The following PYGB variants were observed in gnomAD, a reference collection of about 807,000 sequenced individuals.
PYGB encodes glycogen phosphorylase, brain form.
In PYGB, 82 loss-of-function variants were observed where a neutral mutation model predicts 94.3. The ratio of observed to expected loss-of-function variants is 0.87; its 90% CI spans 0.73 to 1.04. PYGB has a LOEUF of 1.04. Among genes scored for constraint, PYGB ranks in the 50% least tolerant of loss-of-function variants. PYGB has a pLI of 0.00. For synonymous variants in PYGB, 488 were observed against 479.1 expected (o/e 1.02, Z -0.24); for missense variants, 1,132 against 1,158.2 (o/e 0.98, Z 0.33).
rs528929623 is a variant in PYGB at position 25,294,682 on chromosome 20, C to T, written c.2312+390C>T. 268 of 584,122 alleles carry T rather than the reference C, an allele frequency of 4.6e-4. 1 individual carries two copies. Among genetic ancestry groups the T allele is most frequent in the Non-Finnish European group, 7.1e-4 (229 of 324,182 alleles). The allele number at this position is 584,122 out of a possible 1,614,324, so 36.2% of individuals were successfully genotyped here. A position where few individuals can be genotyped will look rare whatever the true frequency, so the allele number is the denominator to read the frequency against. ...AGGGGGCGCACAAGGGCTGCGGAAC[C>T]GCGGCAGGCGTCAGTGCCAGTGACA... is the stretch of plus-strand genomic sequence containing the variant. On this transcript the variant is annotated intron_variant, in intron 18 of 19. Transcript: ENST00000216962.
chr20:25,291,428 C>T (rs534734352), intron 16 of PYGB, among the ~76,000 whole-genome samples: 91 of 152,298 alleles, frequency 6.0e-4, no homozygotes, highest in Middle Eastern at 3.4e-3. Flanking sequence ...CAGGCTGCCG[C>T]AGGTGAGAGG....
At chr20:25,262,574 G>A (rs962869349) in intron 2 of PYGB, among the ~76,000 whole-genome samples, 12 of 152,064 alleles carry the variant, frequency 7.9e-5, no homozygotes, top group East Asian at 5.8e-4. Context: ...ATCAGCTACC[G>A]GGCAGAATAA....
intron 13 of PYGB, among the ~76,000 whole-genome samples, chr20:25,283,515 T>G (rs2088388292): frequency 6.6e-6 from 1 of 152,140 alleles, no homozygotes; most frequent in South Asian, 2.1e-4. Context: ...GATAGGTGAG[T>G]GCAGACCCCA....
chr20:25,286,813 C>T (rs564571009), intron 14 of PYGB, among the ~76,000 whole-genome samples: 25 of 152,356 alleles, frequency 1.6e-4, no homozygotes, highest in African/African-American at 5.8e-4. Flanking sequence ...GAGTGCCCCT[C>T]CCCAGAGGTT....
chr20:25,276,551 C>A, intron 5 of PYGB, 95 bp from the exon 6 acceptor site: 1 of 988,266 alleles, frequency 1.0e-6, no homozygotes, highest in Non-Finnish European at 1.6e-6. Context: ...GCCAGCAGGG[C>A]GCCAGGTGCC....
At chr20:25,293,228 C>A (rs886682547) in intron 17 of PYGB, among the ~76,000 whole-genome samples, 4 of 151,996 alleles carry the variant, frequency 2.6e-5, no homozygotes, top group Non-Finnish European at 5.9e-5. Context: ...ACCTTATCCC[C>A]GCGCCCCTCC....
intron 4 of PYGB, among the ~76,000 whole-genome samples, chr20:25,272,324 G>A (rs773836820): frequency 1.3e-5 from 2 of 152,216 alleles, no homozygotes; most frequent in African/African-American, 2.4e-5. Context: ...GGTGGGAGTG[G>A]CAAGGGGGGT....
intron 15 of PYGB, chr20:25,289,941 G>A (rs1418757463): frequency 1.9e-6 from 1 of 533,500 alleles, no homozygotes. Context: ...GTACTTCATG[G>A]GTCCCCTGCC....
At chr20:25,279,483 C>T (rs1338036858) in intron 9 of PYGB, among the ~76,000 whole-genome samples, 3 of 152,124 alleles carry the variant, frequency 2.0e-5, no homozygotes, top group Admixed American at 1.3e-4. Context: ...ATGCACCTGC[C>T]CTCGCGATTC....
At position 25,290,556 on chromosome 20, in the gene PYGB, C is replaced by T. The variant is rs779347887; in HGVS notation, c.1903C>T (p.Pro635Ser). The T allele has an allele frequency of 1.2e-6, 2 of 1,611,590 alleles. No homozygotes were observed. Among genetic ancestry groups the T allele is most frequent in the Non-Finnish European group, 1.7e-6 (2 of 1,177,878 alleles). The change falls in exon 16 of 20, where the codon CCA becomes TCA. Residue 635 changes from proline (P) to serine (S), a missense_variant. By Grantham distance (74) the Pro-to-Ser change is moderately conservative. Coordinates refer to ENST00000216962, the MANE Select transcript of PYGB (RefSeq NM_002862.4). ...TSIGDVVNHD[P>S]VVGDRLKVIF... Reference sequence around the variant, plus strand: ...CATCGGCGACGTCGTCAATCATGACCCAGTTGTGGGTGACAGGTTGAAAGT... The same window carrying T: ...CATCGGCGACGTCGTCAATCATGACTCAGTTGTGGGTGACAGGTTGAAAGT...
chr20:25,248,291 T>A lies in PYGB; in HGVS notation c.113T>A (p.Phe38Tyr). 6.2e-7 allele frequency: 1 copy of A among 1,604,966 alleles called. No individual in the cohort carries two copies. Among genetic ancestry groups the A allele is most frequent in the Non-Finnish European group, 8.5e-7 (1 of 1,176,276 alleles). The part of the protein sequence containing the change: ...VRKSFNRHLH[F>Y]TLVKDRNVAT... ...AAGAGCTTCAACCGGCACTTGCACTTCACGCTGGTCAAGGACCGCAATGTG... is the reference window on the plus strand; with the variant it reads ...AAGAGCTTCAACCGGCACTTGCACTACACGCTGGTCAAGGACCGCAATGTG... Residue 38 changes from phenylalanine (F) to tyrosine (Y), a missense_variant, in exon 1 of 20, where the codon TTC becomes TAC. By Grantham distance (22) the Phe-to-Tyr change is conservative. Coordinates refer to ENST00000216962, the MANE Select transcript of PYGB (RefSeq NM_002862.4).
At position 25,279,126 on chromosome 20, in the gene PYGB, G is replaced by C; in HGVS notation, c.1069G>C (p.Val357Leu). 6.2e-7 allele frequency: 1 copy of C among 1,613,952 alleles called. No homozygotes were observed. The highest frequency in any genetic ancestry group is 8.5e-7 in the Non-Finnish European group (1 of 1,179,882). Residue 357 changes from valine (V) to leucine (L), a missense_variant, in exon 9 of 20, where the codon GTG becomes CTG. Physicochemically the swap from Val to Leu is conservative, Grantham distance 32 (BLOSUM62 1). Transcript: ENST00000216962. ...IPELMRILVDVEKVDWDKAWE... is the reference protein window; with the variant it reads ...IPELMRILVDLEKVDWDKAWE... Reference sequence around the variant, plus strand: ...TGAGCTCATGCGGATCCTGGTGGACGTGGAGAAGGTGGACTGGGACAAGGT... The same window carrying C: ...TGAGCTCATGCGGATCCTGGTGGACCTGGAGAAGGTGGACTGGGACAAGGT...
chr20:25,253,516 G>A (rs2092894203), intron 1 of PYGB, among the ~76,000 whole-genome samples: 1 of 152,066 alleles, frequency 6.6e-6, no homozygotes, highest in African/African-American at 2.4e-5. Flanking sequence ...GCCGGGCGTG[G>A]TGGTGGACAT....
intron 17 of PYGB, 33 bp from the exon 18 acceptor site, chr20:25,294,125 C>T (rs772544530): frequency 1.2e-6 from 2 of 1,609,218 alleles, no homozygotes; most frequent in South Asian, 2.2e-5. Flanking sequence ...ACCTGGGGCG[C>T]TGGCTGCTGA....
chr20:25,271,148 G>T (rs1047539416), intron 3 of PYGB, among the ~76,000 whole-genome samples: 1 of 152,076 alleles, frequency 6.6e-6, no homozygotes, highest in African/African-American at 2.4e-5. Context: ...AGTTCTCTAG[G>T]ATTCTTCATC....
rs138950427 is a variant in PYGB at position 25,292,737 on chromosome 20, C to A, written c.2177+124C>A. 5.6e-5 allele frequency: 70 copies of A among 1,243,898 alleles called. No homozygotes were observed. In the African/African-American group the frequency reaches 9.2e-4, roughly 16 times the overall value. The allele number at this position is 1,243,898 out of a possible 1,614,324, so 77.1% of individuals were successfully genotyped here. A position where few individuals can be genotyped will look rare whatever the true frequency, so the allele number is the denominator to read the frequency against. On this transcript the variant is annotated intron_variant, in intron 17 of 19. Transcript: ENST00000216962. Reference sequence around the variant, plus strand: ...CACTGTGTGCTAGGGTCAGTGCCCACCCAGGGCTGTGTGCCTGCCTGCAGG... The same window carrying A: ...CACTGTGTGCTAGGGTCAGTGCCCAACCAGGGCTGTGTGCCTGCCTGCAGG...
chr20:25,265,119 AC>A (rs1260542907), intron 2 of PYGB, among the ~76,000 whole-genome samples: 1 of 152,174 alleles, frequency 6.6e-6, no homozygotes, highest in East Asian at 1.9e-4. Flanking sequence ...CAGAAATAAT[AC>A]CACACATCTA....
intron 1 of PYGB, among the ~76,000 whole-genome samples, chr20:25,251,876 T>C (rs1397008323): frequency 6.6e-6 from 1 of 152,230 alleles, no homozygotes; most frequent in Admixed American, 6.5e-5. Flanking sequence ...TAAATATTCC[T>C]AATGAGATAA....
intron 5 of PYGB, among the ~76,000 whole-genome samples, chr20:25,275,158 G>A (rs1035794120): frequency 6.6e-6 from 1 of 152,250 alleles, no homozygotes; most frequent in Non-Finnish European, 1.5e-5. Flanking sequence ...GCCTCCTGGC[G>A]CCATACGTGG....
Sources: allele counts gnomAD v4.1 joint callset (sites outside exome capture counted in the v4.1 genomes callset), GRCh38; gene constraint gnomAD v4.1.1; transcripts MANE v1.5; gene names NCBI Gene and HGNC (gene_info 2026-07-23, HGNC 2026-07-21).